CUX2: variants seen among roughly 807,000 people sequenced by gnomAD.
CUX2 encodes cut like homeobox 2, also known as homeobox protein cut-like 2.
In CUX2, 40 loss-of-function variants were observed where a neutral mutation model predicts 144.8. That is an observed-to-expected ratio of 0.28 (90% confidence interval 0.21 to 0.36). The LOEUF (loss-of-function observed/expected upper bound fraction) is 0.36. CUX2 is among the 10% of genes least tolerant of loss of function. The pLI, the probability that CUX2 is intolerant of heterozygous loss-of-function variation, is 1.00. For missense variants in CUX2, 1,615 were observed against 1,994.0 expected, an observed-to-expected ratio of 0.81 and a Z score of 3.62; for synonymous variants, 827 against 875.6, an observed-to-expected ratio of 0.94 and a Z score of 0.98.
chr12:111,159,969 G>A (rs2136149429), intron 1 of CUX2, among the ~76,000 whole-genome samples: 1 of 152,312 alleles, frequency 6.6e-6, no homozygotes, highest in Admixed American at 6.5e-5. Flanking sequence ...AGGTTTCAGT[G>A]AGCCGAGATT....
intron 18 of CUX2, among the ~76,000 whole-genome samples, chr12:111,331,815 A>C (rs1888130364): frequency 6.6e-6 from 1 of 152,088 alleles, no homozygotes; most frequent in South Asian, 2.1e-4. Context: ...ATGGTAGTTC[A>C]AGCCTGTAAT....
chr12:111,342,120 G>A (rs1165114467), intron 21 of CUX2, 67 bp downstream of exon 21: 3 of 1,530,076 alleles, frequency 2.0e-6, no homozygotes, highest in African/African-American at 2.8e-5. Context: ...CCCCATCCCA[G>A]GGCCTGGAGG....
intron 15 of CUX2, among the ~76,000 whole-genome samples, chr12:111,311,605 T>TTA (rs1886908632): frequency 7.0e-6 from 1 of 143,628 alleles, no homozygotes; most frequent in Non-Finnish European, 1.5e-5. Context: ...TTATTATTAT[T>TTA]TTTTTTTTTT....
intron 21 of CUX2, among the ~76,000 whole-genome samples, chr12:111,344,052 CA>C (rs1187475495): frequency 6.6e-6 from 1 of 152,110 alleles, no homozygotes; most frequent in Non-Finnish European, 1.5e-5. Flanking sequence ...GACTCTGTCT[CA>C]AACAGATAAA....
Position 111,246,921 on chromosome 12 carries a change from A to G in CUX2, c.223-16840A>G, listed in dbSNP as rs975795364. Among the ~76,000 whole-genome samples, 2 of 151,502 alleles carry G rather than the reference A, an allele frequency of 1.3e-5. No homozygotes were observed. Among genetic ancestry groups the G allele is most frequent in the African/African-American group, 2.4e-5 (1 of 41,178 alleles). On this transcript the variant is annotated intron_variant, in intron 3 of 21. Transcript: ENST00000261726. This position sits in a 1 kb window ranked among gnomAD's most constrained non-coding sequence, Gnocchi z 4.0. ...CTCTGCTGTGGTCTATGTCTTTCTG[A>G]CTCTAGGACTGAGGGGCTGGGGCTG...
chr12:111,331,184 G>A (rs986609193), intron 18 of CUX2, among the ~76,000 whole-genome samples: 2 of 151,966 alleles, frequency 1.3e-5, no homozygotes, highest in African/African-American at 4.8e-5. Context: ...GGGCAATGGG[G>A]AGCCATTGAT....
intron 21 of CUX2, among the ~76,000 whole-genome samples, chr12:111,345,945 A>G (rs1453000930): frequency 1.4e-5 from 2 of 145,742 alleles, no homozygotes; most frequent in African/African-American, 2.5e-5. Context: ...CCCCGTCTCT[A>G]CTAAAAATGC....
chr12:111,044,772 C>T (rs1316902991), intron 1 of CUX2, among the ~76,000 whole-genome samples: 1 of 152,140 alleles, frequency 6.6e-6, no homozygotes, highest in Non-Finnish European at 1.5e-5. Context: ...AGTTGCCCCT[C>T]GACTTCACCT....
intron 21 of CUX2, among the ~76,000 whole-genome samples, chr12:111,345,452 A>G (rs1888754774): frequency 6.7e-6 from 1 of 149,438 alleles, no homozygotes; most frequent in Non-Finnish European, 1.5e-5. Context: ...CTCAAAAAAA[A>G]AAAAAAAAAG....
At chr12:111,305,063 T>G (rs1886506904) in intron 10 of CUX2, among the ~76,000 whole-genome samples, 1 of 152,208 alleles carries the variant, frequency 6.6e-6, no homozygotes, top group African/African-American at 2.4e-5. Context: ...TCTTTCTCTT[T>G]CCTCCTGGTT....
At chr12:111,237,892 A>G (rs762789019) in intron 3 of CUX2, among the ~76,000 whole-genome samples, 14 of 152,142 alleles carry the variant, frequency 9.2e-5, no homozygotes, top group Non-Finnish European at 1.9e-4. Flanking sequence ...CACTATGGAC[A>G]CTTTGGACTG....
chr12:111,166,087 C>A (rs1055840378), intron 1 of CUX2, among the ~76,000 whole-genome samples: 1 of 152,102 alleles, frequency 6.6e-6, no homozygotes, highest in African/African-American at 2.4e-5. Context: ...GGTGTGATCA[C>A]GGCTCACTGC....
chr12:111,185,590 T>G (rs1232445445), intron 1 of CUX2, among the ~76,000 whole-genome samples: 2 of 152,210 alleles, frequency 1.3e-5, no homozygotes, highest in Non-Finnish European at 2.9e-5. Context: ...CCAGAGCCCT[T>G]CGTGGGGGTG....
chr12:111,166,827 C>T (rs1027995554), intron 1 of CUX2, among the ~76,000 whole-genome samples: 6 of 152,138 alleles, frequency 3.9e-5, no homozygotes, highest in Admixed American at 1.3e-4. Flanking sequence ...GAACAGCAAC[C>T]GTCCAACTTT....
At chr12:111,154,034 G>T (rs1297675614) in intron 1 of CUX2, among the ~76,000 whole-genome samples, 2 of 152,076 alleles carry the variant, frequency 1.3e-5, no homozygotes, top group East Asian at 3.9e-4. Flanking sequence ...CCACACTAAT[G>T]AGCTCATCTT....
chr12:111,329,833 C>T (rs1888011320), intron 18 of CUX2, among the ~76,000 whole-genome samples: 1 of 152,120 alleles, frequency 6.6e-6, no homozygotes, highest in South Asian at 2.1e-4. Flanking sequence ...GATGGGGTTT[C>T]ACCATGTTGG....
intron 3 of CUX2, among the ~76,000 whole-genome samples, chr12:111,219,783 G>A (rs371118038): frequency 2.0e-5 from 3 of 152,302 alleles, no homozygotes; most frequent in South Asian, 4.1e-4. Context: ...TACTAGCTGT[G>A]TGATCTGAGG....
intron 3 of CUX2, among the ~76,000 whole-genome samples, chr12:111,230,650 G>A (rs1472057622): frequency 6.6e-6 from 1 of 152,242 alleles, no homozygotes; most frequent in Non-Finnish European, 1.5e-5. Flanking sequence ...AGGCTTGAGT[G>A]TCAGGATTGT....
rs34616678 is a variant in CUX2, at chr12:111,115,520, C to T, written c.63+81280C>T. ...CAGGATGGTCTCAATCTCCTGACCT[C>T]GTCATCTGCCCACCTTGGCCTTCCA... is the stretch of plus-strand genomic sequence containing the variant. On this transcript the variant is annotated intron_variant, in intron 1 of 21. Coordinates refer to ENST00000261726, the MANE Select transcript of CUX2 (RefSeq NM_015267.4). 3.4e-3 allele frequency among the ~76,000 whole-genome samples: 516 copies of T among 152,038 alleles called. 11 individuals are homozygous for T. The South Asian group carries it at 0.042, about 12-fold the overall frequency.
Sources: allele counts gnomAD v4.1 joint callset (sites outside exome capture counted in the v4.1 genomes callset), GRCh38; gene constraint gnomAD v4.1.1; non-coding constraint Gnocchi (gnomAD v3.1); transcripts MANE v1.5; gene names NCBI Gene and HGNC (gene_info 2026-07-23, HGNC 2026-07-21).